Variants in TOMM20L observed in about 807,000 individuals in gnomAD.
TOMM20L encodes the protein TOMM20-like protein 1.
A neutral mutation model predicts 20.4 loss-of-function variants in TOMM20L; 19 were observed. That is an observed-to-expected ratio of 0.93 (90% CI 0.65 to 1.36). TOMM20L has a LOEUF of 1.36. TOMM20L is among the 40% of genes most tolerant of loss of function. The pLI is 0.00. For synonymous variants in TOMM20L, 75 were observed against 79.6 expected (o/e 0.94, Z 0.30); for missense variants, 218 against 203.7 (o/e 1.07, Z -0.43).
At chr14:58,407,176 T>A in intron 3 of TOMM20L, 150 bp from the exon 4 acceptor site, 1 of 677,568 alleles carries the variant, frequency 1.5e-6, no homozygotes, top group Non-Finnish European at 2.4e-6. Flanking sequence ...ATCTTCCTCA[T>A]ATTTGTACTC....
downstream of TOMM20L, among the ~76,000 whole-genome samples, chr14:58,411,245 C>T (rs955173249): frequency 3.9e-5 from 6 of 151,960 alleles, no homozygotes; most frequent in South Asian, 8.3e-4. Flanking sequence ...GTCAGGAGTT[C>T]GAGACCAGCC....
downstream of TOMM20L, among the ~76,000 whole-genome samples, chr14:58,410,193 C>A (rs755948336): frequency 4.1e-4 from 63 of 152,182 alleles, no homozygotes; most frequent in Non-Finnish European, 9.0e-4. Flanking sequence ...CACCTCAGCT[C>A]CCGAGTAGCT....
At chr14:58,407,552 G>T in intron 4 of TOMM20L, 84 bp downstream of exon 4, 1 of 1,422,598 alleles carries the variant, frequency 7.0e-7, no homozygotes, top group South Asian at 1.5e-5. Context: ...ATCAAAGTAT[G>T]TGTGTGAATT....
intron 2 of TOMM20L, chr14:58,398,871 T>C (rs1192381921): frequency 6.6e-6 from 1 of 152,040 alleles, no homozygotes; most frequent in Non-Finnish European, 1.5e-5. Flanking sequence ...TTTCATATAA[T>C]TGTCACAACT....
At chr14:58,411,579 A>T (rs2036217699), downstream of TOMM20L, among the ~76,000 whole-genome samples, 1 of 151,742 alleles carries the variant, frequency 6.6e-6, no homozygotes, top group African/African-American at 2.4e-5. Flanking sequence ...TTGCTCTGTC[A>T]CCCAGGCTGG....
At chr14:58,404,193 G>A (rs1214209478) in intron 3 of TOMM20L, among the ~76,000 whole-genome samples, 1 of 117,236 alleles carries the variant, frequency 8.5e-6, no homozygotes, top group African/African-American at 3.1e-5. Context: ...GCAGTGGCGG[G>A]ATCTCGGCTC....
chr14:58,410,966 T>C (rs748362527), downstream of TOMM20L: 4 of 1,537,116 alleles, frequency 2.6e-6, no homozygotes, highest in East Asian at 9.0e-5. Flanking sequence ...TGTTCTTTAG[T>C]ATTTGGTTTT....
At position 58,404,090 on chromosome 14, in the gene TOMM20L, C is replaced by CATATATGTGTGTGTATAT. The variant is rs1470382627; in HGVS notation, c.262+1335_262+1336insGTGTGTGTATATATATAT. ...CACCCATCAGTACAATGTATATATA[C>CATATATGTGTGTGTATAT]ATATATATGTATATATATATATATA... On this transcript the variant is annotated intron_variant, in intron 3 of 4. Coordinates refer to ENST00000360945, the MANE Select transcript of TOMM20L (RefSeq NM_207377.3). Among the ~76,000 whole-genome samples the CATATATGTGTGTGTATAT allele has an allele frequency of 6.5e-4, 11 of 16,834 alleles. 1 individual carries two copies. Among genetic ancestry groups the CATATATGTGTGTGTATAT allele is most frequent in the Non-Finnish European group, 1.6e-3 (11 of 6,742 alleles). 11.0% of individuals were successfully genotyped at this position (16,834 alleles called of 152,430 possible). A position where few individuals can be genotyped will look rare whatever the true frequency, so the allele number is the denominator to read the frequency against.
chr14:58,411,847 G>T, downstream of TOMM20L: 1 of 1,483,498 alleles, frequency 6.7e-7, no homozygotes, highest in Non-Finnish European at 9.4e-7. Context: ...TGACATGGTG[G>T]CATTAGTAGC....
chr14:58,411,928 T>C (rs1410743610), downstream of TOMM20L: 1 of 1,613,994 alleles, frequency 6.2e-7, no homozygotes, highest in East Asian at 2.2e-5. Flanking sequence ...GATCAGATTC[T>C]GGTATTTGTG....
intron 4 of TOMM20L, among the ~76,000 whole-genome samples, chr14:58,408,152 CACGCCTGTAATCCT>C (rs2036092914): frequency 6.6e-6 from 1 of 152,162 alleles, no homozygotes; most frequent in South Asian, 2.1e-4. Flanking sequence ...CGCGGTGGCT[CACGCCTGTAATCCT>C]AGCACTTTGG....
At chr14:58,396,141 G>C (rs781350820) in intron 1 of TOMM20L, 48 bp downstream of exon 1, 1 of 1,277,034 alleles carries the variant, frequency 7.8e-7, no homozygotes, top group Non-Finnish European at 9.9e-7. Flanking sequence ...CAGCGCGGGC[G>C]GGCTGCCGGC....
chr14:58,415,184 C>A, the TOMM20L span, among the ~76,000 whole-genome samples: 1 of 152,162 alleles, frequency 6.6e-6, no homozygotes, highest in African/African-American at 2.4e-5. Flanking sequence ...TCTACTTCCA[C>A]CTGGCAGTAA....
At chr14:58,410,356 T>TA (rs761038432), downstream of TOMM20L, among the ~76,000 whole-genome samples, 2 of 152,150 alleles carry the variant, frequency 1.3e-5, no homozygotes, top group East Asian at 3.8e-4. Flanking sequence ...AGTTCAAAGT[T>TA]ACAGTGAGCT....
intron 2 of TOMM20L, among the ~76,000 whole-genome samples, chr14:58,397,299 TATAG>T (rs1251353780): frequency 6.6e-6 from 1 of 152,164 alleles, no homozygotes; most frequent in Non-Finnish European, 1.5e-5. Flanking sequence ...TGTGTCTGTG[TATAG>T]AGAGAGCACG....
downstream of TOMM20L, among the ~76,000 whole-genome samples, chr14:58,409,802 T>C (rs2036153766): frequency 6.6e-6 from 1 of 152,008 alleles, no homozygotes; most frequent in Non-Finnish European, 1.5e-5. Context: ...ATGGTCTTGA[T>C]CTCCTGACCT....
intron 3 of TOMM20L, among the ~76,000 whole-genome samples, chr14:58,403,430 T>G (rs1242473861): frequency 1.3e-5 from 2 of 152,242 alleles, no homozygotes; most frequent in Admixed American, 6.5e-5. Context: ...TTCTTAATAC[T>G]TATTTACTTT....
chr14:58,404,099 G>GTGTATATATATATATATATATATATA (rs1408980666), intron 3 of TOMM20L, among the ~76,000 whole-genome samples: 2 of 22,928 alleles, frequency 8.7e-5, no homozygotes, highest in African/African-American at 2.7e-4. Context: ...ACATATATAT[G>GTGTATATATATATATATATATATATA]TATATATATA....
At chr14:58,410,915 G>GTT, downstream of TOMM20L, 3 of 1,612,912 alleles carry the variant, frequency 1.9e-6, no homozygotes, top group Non-Finnish European at 2.5e-6. Context: ...TAAGTTTATT[G>GTT]TAGGTCCCCA....
Sources: allele counts gnomAD v4.1 joint callset (sites outside exome capture counted in the v4.1 genomes callset), GRCh38; gene constraint gnomAD v4.1.1; transcripts MANE v1.5; gene names NCBI Gene and HGNC (gene_info 2026-07-23, HGNC 2026-07-21).